Variants in ZP1 observed in about 807,000 individuals in gnomAD.
The protein encoded by ZP1 is zona pellucida glycoprotein 1.
In ZP1, 58 loss-of-function variants were observed where a neutral mutation model predicts 67.4. The ratio of observed to expected loss-of-function variants is 0.86; its 90% confidence interval spans 0.70 to 1.07. The LOEUF (loss-of-function observed/expected upper bound fraction) is 1.07. ZP1 is among the 50% of genes least tolerant of loss of function. The probability of loss-of-function intolerance (pLI) is 0.00; values close to 1 mark genes in which losing one functional copy is unlikely to be tolerated. For synonymous variants in ZP1, 333 were observed against 332.7 expected (o/e 1.00, Z -0.01); for missense variants, 759 against 807.3 (o/e 0.94, Z 0.72).
intron 1 of ZP1, among the ~76,000 whole-genome samples, chr11:60,868,429 C>T (rs1306945131): frequency 6.6e-6 from 1 of 152,196 alleles, no homozygotes; most frequent in Non-Finnish European, 1.5e-5. Flanking sequence ...ACCTAGTAGG[C>T]GTGGCCTGGT....
intron 1 of ZP1, among the ~76,000 whole-genome samples, chr11:60,868,616 T>C (rs1855509977): frequency 1.3e-5 from 2 of 152,342 alleles, no homozygotes; most frequent in South Asian, 4.1e-4. Flanking sequence ...CAGGCTGTTC[T>C]GGGGCAACAA....
chr11:60,873,874 G>C, intron 9 of ZP1, 99 bp downstream of exon 9: 4 of 1,508,960 alleles, frequency 2.7e-6, no homozygotes, highest in Non-Finnish European at 3.6e-6. Context: ...TATGGACAAA[G>C]TTCTGGGATG....
chr11:60,874,560 T>G (rs1480657208), intron 9 of ZP1, among the ~76,000 whole-genome samples: 1 of 152,192 alleles, frequency 6.6e-6, no homozygotes, highest in Admixed American at 6.5e-5. Context: ...TCTCCCTCAG[T>G]AGGGCAGGTG....
chr11:60,869,980 G>A, intron 3 of ZP1, 80 bp downstream of exon 3: 1 of 1,438,494 alleles, frequency 7.0e-7, no homozygotes, highest in South Asian at 1.6e-5. Context: ...CTTTTACTGG[G>A]CTCTAAGCCA....
chr11:60,870,700 G>T, intron 4 of ZP1: 1 of 678,432 alleles, frequency 1.5e-6, no homozygotes, highest in South Asian at 2.1e-5. Flanking sequence ...CACACATCTG[G>T]ACTTTCAGAT....
At position 60,869,059 on chromosome 11, in the gene ZP1, T is replaced by C. The variant is rs1007958557; in HGVS notation, c.197-86T>C. 7 of 1,544,674 alleles carry C rather than the reference T, an allele frequency of 4.5e-6. No homozygotes were observed. The Admixed American group carries it at 1.2e-4, about 27-fold the overall frequency. ...AAGGCAAGAACCCAGGTCTCCTGGC[T>C]GCTGAGTGGGAACTCCTTCCGAGAC... On this transcript the variant is annotated intron_variant, in intron 1 of 11. Coordinates refer to ENST00000278853, the MANE Select transcript of ZP1 (RefSeq NM_207341.4).
chr11:60,873,230 C>T lies in ZP1; in HGVS notation c.1181C>T (p.Pro394Leu), dbSNP rs371076568. 1 of 1,607,828 alleles carries T rather than the reference C, an allele frequency of 6.2e-7. No homozygotes were observed. Among genetic ancestry groups the T allele is most frequent in the South Asian group, 1.1e-5 (1 of 89,852 alleles). Residue 394 changes from proline to leucine, a missense_variant, in exon 7 of 12, where the codon CCA becomes CTA. Pro to Leu is a moderately conservative substitution (Grantham distance 98). Coordinates refer to ENST00000278853, the MANE Select transcript of ZP1 (RefSeq NM_207341.4). ...ATTCAGGCATCCATTTTCCCACCCC[C>T]ATCGCCTGCTCCTATGACCCAGCCC... ...LPIQASIFPP[P>L]SPAPMTQPGP...
At chr11:60,868,652 T>C (rs1855510487) in intron 1 of ZP1, among the ~76,000 whole-genome samples, 1 of 152,168 alleles carries the variant, frequency 6.6e-6, no homozygotes, top group African/African-American at 2.4e-5. Context: ...AGGGGGTGTC[T>C]CCAAGCAACT....
Position 60,873,407 on chromosome 11 carries a change from G to A in ZP1, c.1273G>A (p.Asp425Asn), listed in dbSNP as rs978228469. 3 of 1,610,916 alleles carry A rather than the reference G, an allele frequency of 1.9e-6. No homozygotes were observed. The African/African-American group carries it at 4.0e-5, about 22-fold the overall frequency. Residue 425 changes from aspartate (D) to asparagine (N), a missense_variant, in exon 8 of 12, where the codon GAC (aspartate) becomes AAC (asparagine). Transcript: ENST00000278853. Reference protein sequence around the residue: ...ETFSSYYGEDDYPIVRLLREP... With the variant: ...ETFSSYYGEDNYPIVRLLREP... ...CTTCAGCTCGTACTATGGGGAGGAT[G>A]ACTATCCCATCGTGAGGCTGCTCCG... is the stretch of plus-strand genomic sequence containing the variant.
chr11:60,871,887 C>A (rs1228971597), intron 6 of ZP1, among the ~76,000 whole-genome samples: 5 of 152,218 alleles, frequency 3.3e-5, no homozygotes, highest in Non-Finnish European at 7.3e-5. Flanking sequence ...ATCTGTCTGT[C>A]ATGCCTGGCT....
At position 60,871,225 on chromosome 11, in the gene ZP1, C is replaced by T. The variant is rs747727685; in HGVS notation, c.1023C>T (p.Gly341=). 5.6e-6 allele frequency: 9 copies of T among 1,613,922 alleles called. No homozygotes were observed. The highest frequency in any genetic ancestry group is 1.6e-4 in the Middle Eastern group (1 of 6,084). ...THCGTTMQVA[G]DQLIYENWLV... Reference sequence around the variant, plus strand: ...GCTGTCTCTTCCTACAGGTGGCTGGCGACCAGCTCATCTATGAGAACTGGC... The same window carrying T: ...GCTGTCTCTTCCTACAGGTGGCTGGTGACCAGCTCATCTATGAGAACTGGC... The change falls in exon 6 of 12, where the codon GGC becomes GGT. Residue 341 remains glycine (G), a synonymous_variant. Coordinates refer to ENST00000278853, the MANE Select transcript of ZP1 (RefSeq NM_207341.4).
chr11:60,867,786 C>G, intron 1 of ZP1, 29 bp downstream of exon 1: 1 of 1,600,884 alleles, frequency 6.2e-7, no homozygotes, highest in Non-Finnish European at 8.5e-7. Context: ...CTGGCCCCTG[C>G]CTCCCTGGCC....
chr11:60,873,056 C>A, intron 6 of ZP1, 106 bp from the exon 7 acceptor site: 1 of 1,302,358 alleles, frequency 7.7e-7, no homozygotes, highest in Non-Finnish European at 1.1e-6. Context: ...CCCTGCTGGA[C>A]AGTACCCTAT....
At chr11:60,870,294 T>G (rs746963432) in intron 3 of ZP1, 38 bp from the exon 4 acceptor site, 1 of 1,486,162 alleles carries the variant, frequency 6.7e-7, no homozygotes. Flanking sequence ...ATTTGCAAAC[T>G]GTGTGCCTTC....
Position 60,873,517 on chromosome 11 carries a change from C to T in ZP1, c.1383C>T (p.Pro461=), listed in dbSNP as rs1395729006. ...TGCTGCACCAGTGCTGGGGCGCTCC[C>T]AGTGCCAACCCCTTCCAGCAGCCCC... ...VLLLHQCWGA[P]SANPFQQPQW... is the part of the protein sequence containing the mutation. Residue 461 remains proline, a synonymous_variant, in exon 8 of 12, where the codon CCC becomes CCT. Transcript: ENST00000278853. 1 of 1,613,114 alleles carries T rather than the reference C, an allele frequency of 6.2e-7. No individual in the cohort carries two copies. The highest frequency in any genetic ancestry group is 1.7e-5 in the Admixed American group (1 of 59,996).
rs200345260 is a variant in ZP1, at chr11:60,871,297, G to A, written c.1095G>A (p.Thr365=). Residue 365 remains threonine, a synonymous_variant, in exon 6 of 12, where the codon ACG becomes ACA. Coordinates refer to ENST00000278853, the MANE Select transcript of ZP1 (RefSeq NM_207341.4). ...AAAAGGGGCCACAGGGTTCCATCAC[G>A]CGGGACAGCACCTTCCAGTAAGGGC... ...HIQKGPQGSI[T]RDSTFQLHVR... 1.9e-5 allele frequency: 31 copies of A among 1,613,790 alleles called. No homozygotes were observed. The Admixed American group carries it at 2.3e-4, about 12-fold the overall frequency.
intron 6 of ZP1, among the ~76,000 whole-genome samples, chr11:60,872,754 T>C (rs7946859): frequency 0.38 from 57,046 of 151,954 alleles, 10,842 homozygotes; most frequent in Middle Eastern, 0.42. Flanking sequence ...AAGACTCAAA[T>C]CCAGGTCTGT....
chr11:60,870,773 C>A, intron 4 of ZP1, 184 bp from the exon 5 acceptor site: 2 of 754,090 alleles, frequency 2.7e-6, no homozygotes, highest in South Asian at 1.8e-5. Flanking sequence ...TGTAGTTCAA[C>A]TCATTTGTCA....
At chr11:60,868,771 C>T (rs1027904570) in intron 1 of ZP1, among the ~76,000 whole-genome samples, 2 of 152,186 alleles carry the variant, frequency 1.3e-5, no homozygotes, top group African/African-American at 2.4e-5. Context: ...GCTCACGCAC[C>T]CTCCCTTCCT....
Sources: allele counts gnomAD v4.1 joint callset (sites outside exome capture counted in the v4.1 genomes callset), GRCh38; gene constraint gnomAD v4.1.1; transcripts MANE v1.5; gene names NCBI Gene and HGNC (gene_info 2026-07-23, HGNC 2026-07-21).